The following SYNDIG1 variants were observed in gnomAD, a reference collection of about 807,000 sequenced individuals.
The protein encoded by SYNDIG1 is synapse differentiation inducing 1.
SYNDIG1 carries 9 observed loss-of-function variants against 19.4 expected under a neutral mutation model. The ratio of observed to expected loss-of-function variants is 0.46; its 90% CI spans 0.28 to 0.81. The LOEUF is 0.81. SYNDIG1 is among the 30% of genes least tolerant of loss of function. The pLI is 0.12. For missense variants in SYNDIG1, 311 were observed against 343.3 expected, an observed-to-expected ratio of 0.91 and a Z score of 0.74; for synonymous variants, 141 against 145.9, an observed-to-expected ratio of 0.97 and a Z score of 0.24.
At chr20:24,604,493 G>A (rs530198925) in intron 3 of SYNDIG1, among the ~76,000 whole-genome samples, 2 of 152,212 alleles carry the variant, frequency 1.3e-5, no homozygotes, top group South Asian at 2.1e-4. Context: ...TACATGCACC[G>A]CCATGCTAAA....
At chr20:24,640,528 A>G (rs67310253) in intron 3 of SYNDIG1, among the ~76,000 whole-genome samples, 3,465 of 110,816 alleles carry the variant, frequency 0.031, 10 homozygotes, top group East Asian at 0.09. Context: ...GAAGGAAGGA[A>G]GGAGCTTTTC....
chr20:24,553,525 A>G (rs1468017982), intron 2 of SYNDIG1, among the ~76,000 whole-genome samples: 4 of 152,218 alleles, frequency 2.6e-5, no homozygotes, highest in East Asian at 3.8e-4. Flanking sequence ...AGCTTTCTAC[A>G]TATGGCTAGC....
intron 1 of SYNDIG1, among the ~76,000 whole-genome samples, chr20:24,533,888 AT>A (rs1299013524): frequency 1.3e-5 from 2 of 152,178 alleles, no homozygotes; most frequent in Non-Finnish European, 2.9e-5. Context: ...CTATAAAGGT[AT>A]TCACCTAAGC....
chr20:24,563,044 T>C (rs913696365), intron 2 of SYNDIG1, among the ~76,000 whole-genome samples: 3 of 152,222 alleles, frequency 2.0e-5, no homozygotes, highest in Non-Finnish European at 4.4e-5. Flanking sequence ...AATTGTAGTT[T>C]AATAAAGTTG....
At chr20:24,548,049 A>C (rs1247638796) in intron 2 of SYNDIG1, among the ~76,000 whole-genome samples, 1 of 152,090 alleles carries the variant, frequency 6.6e-6, no homozygotes, top group Non-Finnish European at 1.5e-5. Flanking sequence ...TCATCGATGG[A>C]GCACCTTTTC....
chr20:24,585,223 T>C (rs1049301732), intron 3 of SYNDIG1, among the ~76,000 whole-genome samples: 3 of 152,090 alleles, frequency 2.0e-5, no homozygotes, highest in African/African-American at 7.2e-5. Context: ...CTCGCAGAGG[T>C]GGGACTGCGT....
intron 1 of SYNDIG1, among the ~76,000 whole-genome samples, chr20:24,536,349 G>T (rs568665121): frequency 2.0e-5 from 3 of 152,294 alleles, no homozygotes; most frequent in African/African-American, 7.2e-5. Flanking sequence ...GCAGGGAGGA[G>T]TTGGGCATCC....
chr20:24,665,005 AT>A (rs1281249952), intron 3 of SYNDIG1, among the ~76,000 whole-genome samples: 9 of 152,194 alleles, frequency 5.9e-5, no homozygotes, highest in Non-Finnish European at 1.2e-4. Context: ...GAGGAGTCTT[AT>A]CTAGCCCATC....
chr20:24,591,391 C>T (rs1403644311), intron 3 of SYNDIG1, among the ~76,000 whole-genome samples: 2 of 151,836 alleles, frequency 1.3e-5, no homozygotes, highest in Non-Finnish European at 2.9e-5. Context: ...GGGACCTTGT[C>T]TTTAAATATA....
intron 2 of SYNDIG1, among the ~76,000 whole-genome samples, chr20:24,546,865 T>C (rs1285256853): frequency 2.0e-5 from 3 of 151,976 alleles, no homozygotes; most frequent in African/African-American, 4.8e-5. Flanking sequence ...CTGAGCTCTT[T>C]CCAGAAGGCA....
In SYNDIG1 at chr20:24,483,626, G is replaced by A. The variant is rs551009735; in HGVS notation, c.-79+13873G>A. Among the ~76,000 whole-genome samples the A allele has an allele frequency of 8.5e-5, 13 of 152,342 alleles. No individual in the cohort carries two copies. The East Asian group carries it at 1.4e-3, about 16-fold the overall frequency. On this transcript the variant is annotated intron_variant, in intron 1 of 3. Coordinates refer to ENST00000376862, the MANE Select transcript of SYNDIG1 (RefSeq NM_024893.3). ...CAGCCTGAGGAAGCCCCTCTCCTCT[G>A]AGCACGCGTGTGCACGCACCTGCCT...
At chr20:24,587,704 C>T (rs527895183) in intron 3 of SYNDIG1, among the ~76,000 whole-genome samples, 45 of 152,356 alleles carry the variant, frequency 3.0e-4, no homozygotes, top group African/African-American at 1.1e-3. Context: ...GCCCTCTCTG[C>T]CGCAGTGGCC....
intron 3 of SYNDIG1, among the ~76,000 whole-genome samples, chr20:24,659,364 G>T (rs1261909229): frequency 6.6e-6 from 1 of 152,218 alleles, no homozygotes; most frequent in Non-Finnish European, 1.5e-5. Context: ...AACACGGTAG[G>T]GGGAAAGTCT....
At chr20:24,518,508 C>T (rs2056935774) in intron 1 of SYNDIG1, among the ~76,000 whole-genome samples, 1 of 152,220 alleles carries the variant, frequency 6.6e-6, no homozygotes, top group African/African-American at 2.4e-5. Flanking sequence ...GCAACACTGT[C>T]ACCAGCAGGG....
chr20:24,476,477 G>A (rs1188548173), intron 1 of SYNDIG1, among the ~76,000 whole-genome samples: 4 of 151,992 alleles, frequency 2.6e-5, no homozygotes, highest in African/African-American at 9.7e-5. Flanking sequence ...GGACCATCCT[G>A]GTTAACACGG....
intron 3 of SYNDIG1, among the ~76,000 whole-genome samples, chr20:24,656,231 G>T (rs1224290866): frequency 6.6e-6 from 1 of 152,204 alleles, no homozygotes; most frequent in African/African-American, 2.4e-5. Flanking sequence ...TCATATGGGA[G>T]ATGTATATCA....
chr20:24,548,821 A>G (rs2057643825), intron 2 of SYNDIG1, among the ~76,000 whole-genome samples: 1 of 152,166 alleles, frequency 6.6e-6, no homozygotes, highest in Admixed American at 6.5e-5. Flanking sequence ...TTCATGATGA[A>G]AGGTGATGTT....
intron 1 of SYNDIG1, among the ~76,000 whole-genome samples, chr20:24,498,181 A>T (rs1305865750): frequency 6.6e-6 from 1 of 152,204 alleles, no homozygotes; most frequent in East Asian, 1.9e-4. Flanking sequence ...CAACTTGAGG[A>T]GTTTGGACCT....
At position 24,496,242 on chromosome 20, in the gene SYNDIG1, G is replaced by T. The variant is rs536449268; in HGVS notation, c.-79+26489G>T. On this transcript the variant is annotated intron_variant, in intron 1 of 3. Coordinates refer to ENST00000376862, the MANE Select transcript of SYNDIG1 (RefSeq NM_024893.3). ...TTTTCCCCGTAAATGTTAATTTGAC[G>T]ATACACTTGTCCGTTCCGCCAGCTG... is the stretch of plus-strand genomic sequence containing the variant. Among the ~76,000 whole-genome samples, 7 of 152,308 alleles carry T rather than the reference G, an allele frequency of 4.6e-5. No homozygotes were observed. In the East Asian group the frequency reaches 1.2e-3, roughly 25 times the overall value.
Sources: gnomAD v4.1 joint callset for allele counts (sites outside exome capture counted in the v4.1 genomes callset) on GRCh38, gnomAD v4.1.1 for gene constraint, MANE v1.5 for transcripts, NCBI Gene and HGNC (gene_info 2026-07-23, HGNC 2026-07-21) for gene names.